Variants in CDKN2B-AS1 observed in about 807,000 individuals in gnomAD.
CDKN2B-AS1 encodes the protein CDKN2B antisense RNA 1 (non-protein coding).
At chr9:22,072,065 A>G (rs1824317696) in intron 4 of CDKN2B-AS1, among the ~76,000 whole-genome samples, 1 of 152,176 alleles carries the variant, frequency 6.6e-6, no homozygotes, top group Non-Finnish European at 1.5e-5. Context: ...GTGGATTAAG[A>G]ACTAAATATG....
At chr9:22,082,678 GT>G (rs2131331532) in intron 4 of CDKN2B-AS1, among the ~76,000 whole-genome samples, 1 of 152,284 alleles carries the variant, frequency 6.6e-6, no homozygotes, top group South Asian at 2.1e-4. Flanking sequence ...ATATAATTAT[GT>G]ATATTTTATA....
chr9:22,125,059 G>C (rs1435174275), intron 4 of CDKN2B-AS1, among the ~76,000 whole-genome samples: 1 of 152,206 alleles, frequency 6.6e-6, no homozygotes, highest in Non-Finnish European at 1.5e-5. Context: ...ACGCACACGT[G>C]TGCACACACA....
At chr9:22,010,106 A>G (rs1403125120) in intron 1 of CDKN2B-AS1, among the ~76,000 whole-genome samples, 1 of 152,154 alleles carries the variant, frequency 6.6e-6, no homozygotes, top group East Asian at 1.9e-4. Context: ...ATTTTTATTT[A>G]TCATGAGTAA....
In CDKN2B-AS1 at chr9:22,000,218, T is replaced by A. The variant is rs1216786553; in HGVS notation, n.29+5057T>A. On this transcript the variant is annotated intron_variant and non_coding_transcript_variant, in intron 1 of 4. Transcript: ENST00000650946. This position sits in a 1 kb window ranked among gnomAD's most constrained non-coding sequence, Gnocchi z 4.1. Reference sequence around the variant, plus strand: ...TGGAGCCAGGATTGAGAAACAATTTTCTGAAATGGAAGGGGTTTTAAACTT... The same window carrying A: ...TGGAGCCAGGATTGAGAAACAATTTACTGAAATGGAAGGGGTTTTAAACTT... 6.6e-6 allele frequency among the ~76,000 whole-genome samples: 1 copy of A among 152,152 alleles called. No individual in the cohort carries two copies. The highest frequency in any genetic ancestry group is 6.5e-5 in the Admixed American group (1 of 15,272).
intron 1 of CDKN2B-AS1, among the ~76,000 whole-genome samples, chr9:22,007,985 A>C (rs1275806047): frequency 1.3e-5 from 2 of 152,186 alleles, no homozygotes; most frequent in African/African-American, 2.4e-5. Context: ...GTGAGTACTG[A>C]ATATGACCAC....
rs11288208 is a variant in CDKN2B-AS1, at chr9:22,098,419, ATT to A, written n.439-28671_439-28670del. Among the ~76,000 whole-genome samples the A allele has an allele frequency of 2.5e-3, 368 of 145,500 alleles. 3 individuals are homozygous for A. The highest frequency in any genetic ancestry group is 7.0e-3 in the African/African-American group (279 of 40,096). ...GTTATGGGAAATGCCATGGGCAAGA[ATT>A]TTTTTTTTTTTTATCACCATGCTTT... On this transcript the variant is annotated intron_variant and non_coding_transcript_variant, in intron 4 of 4. Coordinates refer to ENST00000650946, the Ensembl canonical transcript of CDKN2B-AS1.
At chr9:22,062,572 T>C (rs899825571) in intron 4 of CDKN2B-AS1, among the ~76,000 whole-genome samples, 2 of 152,168 alleles carry the variant, frequency 1.3e-5, no homozygotes, top group East Asian at 3.9e-4. Flanking sequence ...GACATTTCCT[T>C]ACATGATTCC....
intron 4 of CDKN2B-AS1, chr9:22,119,115 C>T (rs1273701205): frequency 6.6e-6 from 1 of 151,666 alleles, no homozygotes; most frequent in Non-Finnish European, 1.5e-5. Context: ...TCAGTTTCCT[C>T]ATTCAATATG....
At chr9:22,019,200 G>C (rs1461037849) in intron 1 of CDKN2B-AS1, among the ~76,000 whole-genome samples, 1 of 152,190 alleles carries the variant, frequency 6.6e-6, no homozygotes, top group Non-Finnish European at 1.5e-5. Flanking sequence ...TAGGACTTTT[G>C]TCTTTATCTT....
At chr9:22,026,640 A>T (rs543830) in intron 1 of CDKN2B-AS1, among the ~76,000 whole-genome samples, 42,409 of 152,104 alleles carry the variant, frequency 0.28, 7,669 homozygotes, top group Non-Finnish European at 0.41. Context: ...ATCTCGCTGG[A>T]TTCAGCCTCT....
intron 1 of CDKN2B-AS1, among the ~76,000 whole-genome samples, chr9:22,036,757 A>T (rs181801504): frequency 6.6e-6 from 1 of 152,128 alleles, no homozygotes; most frequent in Non-Finnish European, 1.5e-5. Context: ...TCTTGAAACA[A>T]GGCTAAAATG....
At chr9:22,064,472 G>A (rs1263154944) in intron 4 of CDKN2B-AS1, among the ~76,000 whole-genome samples, 1 of 152,130 alleles carries the variant, frequency 6.6e-6, no homozygotes, top group African/African-American at 2.4e-5. Flanking sequence ...AGAAACCAAA[G>A]GGAGGAAGGT....
chr9:22,037,793 G>T (rs1822749633), intron 1 of CDKN2B-AS1, among the ~76,000 whole-genome samples: 1 of 151,918 alleles, frequency 6.6e-6, no homozygotes, highest in East Asian at 1.9e-4. Flanking sequence ...ACCTCATTTG[G>T]TTCTATATTC....
At chr9:22,083,425 A>G (rs1205895718) in intron 4 of CDKN2B-AS1, among the ~76,000 whole-genome samples, 1 of 152,216 alleles carries the variant, frequency 6.6e-6, no homozygotes, top group Non-Finnish European at 1.5e-5. Context: ...GACAGAGAGG[A>G]AGGTACAGAT....
At chr9:22,074,377 G>T (rs1015831369) in intron 4 of CDKN2B-AS1, among the ~76,000 whole-genome samples, 2 of 152,076 alleles carry the variant, frequency 1.3e-5, no homozygotes, top group Non-Finnish European at 2.9e-5. Flanking sequence ...TTATCTGCAG[G>T]ACTTGGTTTA....
chr9:22,006,322 GGAGCCA>G lies in CDKN2B-AS1; in HGVS notation n.29+11162_29+11167del, dbSNP rs1224370376. On this transcript the variant is annotated intron_variant and non_coding_transcript_variant, in intron 1 of 4. Coordinates refer to ENST00000650946, the Ensembl canonical transcript of CDKN2B-AS1. This position sits in a 1 kb window ranked among gnomAD's most constrained non-coding sequence, Gnocchi z 6.4. Reference sequence around the variant, plus strand: ...AGATGCCGGCCGGGGCAAGGCAGGTGGAGCCATTTAAAGAAACACCTAATTGCAAAG... The same window carrying G: ...AGATGCCGGCCGGGGCAAGGCAGGTGTTTAAAGAAACACCTAATTGCAAAG... 6.9e-6 allele frequency: 11 copies of G among 1,584,642 alleles called. No individual in the cohort carries two copies. The highest frequency in any genetic ancestry group is 1.3e-5 in the African/African-American group (1 of 74,586).
At chr9:22,034,203 A>C (rs1358136219) in intron 1 of CDKN2B-AS1, among the ~76,000 whole-genome samples, 1 of 152,180 alleles carries the variant, frequency 6.6e-6, no homozygotes, top group East Asian at 1.9e-4. Flanking sequence ...TGTGCTTTCC[A>C]TATTAAAATT....
intron 4 of CDKN2B-AS1, among the ~76,000 whole-genome samples, chr9:22,069,873 G>GT (rs1824217307): frequency 6.6e-6 from 1 of 151,672 alleles, no homozygotes; most frequent in African/African-American, 2.4e-5. Flanking sequence ...TCCTTTTTTT[G>GT]TTTTTTCTTT....
chr9:22,007,376 T>A (rs770593415), intron 1 of CDKN2B-AS1, among the ~76,000 whole-genome samples: 1 of 151,766 alleles, frequency 6.6e-6, no homozygotes, highest in African/African-American at 2.4e-5. Context: ...ATAAAATAAA[T>A]AAATAAATAA....
Sources: gnomAD v4.1 joint callset for allele counts (sites outside exome capture counted in the v4.1 genomes callset) on GRCh38, gnomAD v4.1.1 for gene constraint, Gnocchi (gnomAD v3.1) non-coding constraint, MANE v1.5 for transcripts, NCBI Gene and HGNC (gene_info 2026-07-23, HGNC 2026-07-21) for gene names.